Variants in TIMM9 observed in about 807,000 individuals in gnomAD.
TIMM9 encodes the protein translocase of inner mitochondrial membrane 9, also known as mitochondrial import inner membrane translocase subunit Tim9.
TIMM9 carries 10 observed loss-of-function variants against 13.4 expected under a neutral mutation model. That is an observed-to-expected ratio of 0.75 (90% CI 0.46 to 1.26). The LOEUF (loss-of-function observed/expected upper bound fraction) is 1.26, where lower values mean the gene tolerates loss of function less well. Among genes scored for constraint, TIMM9 ranks in the 50% most tolerant of loss-of-function variants. The probability of loss-of-function intolerance (pLI) is 0.00; values close to 1 mark genes in which losing one functional copy is unlikely to be tolerated. For missense variants in TIMM9, 87 were observed against 100.8 expected, an observed-to-expected ratio of 0.86 and a Z score of 0.58; for synonymous variants, 32 against 32.1, an observed-to-expected ratio of 1.00 and a Z score of 0.01.
At chr14:58,423,318 GA>G in intron 3 of TIMM9, among the ~76,000 whole-genome samples, 1 of 150,236 alleles carries the variant, frequency 6.7e-6, no homozygotes. Context: ...AGGAGTTTGA[GA>G]CCAGCCTGGC....
chr14:58,427,248 A>G lies in TIMM9; in HGVS notation c.-303-6T>C, dbSNP rs552408069. The G allele has an allele frequency of 4.7e-6, 1 of 212,490 alleles. No individual in the cohort carries two copies. The highest frequency in any genetic ancestry group is 2.3e-5 in the African/African-American group (1 of 43,018). 13.2% of individuals were successfully genotyped at this position (212,490 alleles called of 1,614,324 possible). A position where few individuals can be genotyped will look rare whatever the true frequency, so the allele number is the denominator to read the frequency against. On this transcript the variant is annotated splice_region_variant and splice_polypyrimidine_tract_variant and intron_variant, in intron 1 of 5. Coordinates refer to ENST00000395159, the MANE Select transcript of TIMM9 (RefSeq NM_012460.4). ...TCGTTATAACGCGAGGAAATCTAGA[A>G]GAAAAAGCAGGTACCATCAGCGAAT...
intron 3 of TIMM9, among the ~76,000 whole-genome samples, chr14:58,414,714 A>G (rs2036338997): frequency 7.3e-6 from 1 of 137,714 alleles, no homozygotes; most frequent in Non-Finnish European, 1.5e-5. Context: ...TCCAGCCTGC[A>G]CCGCATAGTG....
chr14:58,415,881 C>T (rs1375014362), intron 3 of TIMM9, among the ~76,000 whole-genome samples: 5 of 151,964 alleles, frequency 3.3e-5, no homozygotes, highest in Admixed American at 6.6e-5. Flanking sequence ...AGCATAAACC[C>T]GATGAAACCT....
rs948362760 is a variant in TIMM9 at position 58,409,920 on chromosome 14, A to C, written c.136-752T>G. Among the ~76,000 whole-genome samples, 8 of 152,214 alleles carry C rather than the reference A, an allele frequency of 5.3e-5. No individual in the cohort carries two copies. The East Asian group carries it at 1.5e-3, about 29-fold the overall frequency. ...GAGACAGGTTCTCTCTCTGTTGCCC[A>C]GGGTGGAGTGCAGTGCCTCACTGTG... On this transcript the variant is annotated intron_variant, in intron 5 of 5. Coordinates refer to ENST00000395159, the MANE Select transcript of TIMM9 (RefSeq NM_012460.4).
At chr14:58,414,668 C>T (rs754616434) in intron 3 of TIMM9, among the ~76,000 whole-genome samples, 7 of 139,384 alleles carry the variant, frequency 5.0e-5, no homozygotes, top group African/African-American at 1.9e-4. Flanking sequence ...ACCCCTTGGG[C>T]GGAGGTTGCA....
chr14:58,417,226 G>A (rs1243725379), intron 3 of TIMM9, among the ~76,000 whole-genome samples: 1 of 151,858 alleles, frequency 6.6e-6, no homozygotes, highest in Non-Finnish European at 1.5e-5. Context: ...TTTGTAAATT[G>A]CCCAGTCTAG....
intron 3 of TIMM9, among the ~76,000 whole-genome samples, chr14:58,413,778 C>A (rs545766099): frequency 6.6e-6 from 1 of 151,790 alleles, no homozygotes; most frequent in Non-Finnish European, 1.5e-5. Flanking sequence ...GAGGCTGAGG[C>A]GGGCAGATTA....
intron 3 of TIMM9, among the ~76,000 whole-genome samples, chr14:58,416,562 G>A (rs1470569094): frequency 6.6e-6 from 1 of 152,176 alleles, no homozygotes; most frequent in East Asian, 1.9e-4. Flanking sequence ...CGAAGAAAAT[G>A]ATAAAAGTAG....
intron 3 of TIMM9, among the ~76,000 whole-genome samples, chr14:58,423,514 C>CAAAAAA (rs398025245): frequency 3.0e-5 from 2 of 66,494 alleles, no homozygotes; most frequent in East Asian, 5.0e-4. Flanking sequence ...GACTTTGTCT[C>CAAAAAA]AAAAAAAAAA....
At chr14:58,410,673 GT>G (rs1458442449) in intron 5 of TIMM9, among the ~76,000 whole-genome samples, 169 bp downstream of exon 5, 2 of 152,228 alleles carry the variant, frequency 1.3e-5, no homozygotes, top group African/African-American at 4.8e-5. Context: ...ATTTGGCACT[GT>G]TAAACTCAAT....
chr14:58,418,373 T>C (rs983419120), intron 3 of TIMM9, among the ~76,000 whole-genome samples: 2 of 152,192 alleles, frequency 1.3e-5, no homozygotes, highest in African/African-American at 4.8e-5. Context: ...TGGCAAAAGA[T>C]AATACTTTCC....
chr14:58,419,453 A>ACACACT (rs2036520021), intron 3 of TIMM9, among the ~76,000 whole-genome samples: 1 of 12,436 alleles, frequency 8.0e-5, no homozygotes, highest in Non-Finnish European at 1.5e-4. Context: ...AGACCCCGTC[A>ACACACT]CACACACACA....
At chr14:58,416,798 C>T (rs2036424429) in intron 3 of TIMM9, among the ~76,000 whole-genome samples, 1 of 152,114 alleles carries the variant, frequency 6.6e-6, no homozygotes, top group Admixed American at 6.6e-5. Flanking sequence ...AGTTTTAGTA[C>T]TAAATGCATA....
intron 3 of TIMM9, among the ~76,000 whole-genome samples, chr14:58,416,061 A>G (rs1417940492): frequency 6.6e-6 from 1 of 151,308 alleles, no homozygotes; most frequent in African/African-American, 2.4e-5. Flanking sequence ...ACTGAAAAAA[A>G]AAAAAAAAAT....
Position 58,409,124 on chromosome 14 carries a change from T to C in TIMM9, c.180A>G (p.Thr60=). The part of the protein sequence containing the change: ...EHCLQKYLKM[T]QRISMRFQEY... ...CCTGAAATCTCATGGATATTCTTTG[T>C]GTCATTTTTAAATATTTCTGTAAGC... is the stretch of plus-strand genomic sequence containing the variant. Residue 60 remains threonine, a synonymous_variant, in exon 6 of 6, where the codon ACA becomes ACG. Transcript: ENST00000395159. 1 of 1,613,908 alleles carries C rather than the reference T, an allele frequency of 6.2e-7. No homozygotes were observed. The highest frequency in any genetic ancestry group is 1.7e-4 in the Middle Eastern group (1 of 6,060).
chr14:58,422,368 G>C (rs369438375), intron 3 of TIMM9, among the ~76,000 whole-genome samples: 1 of 151,756 alleles, frequency 6.6e-6, no homozygotes. Flanking sequence ...CTCCTGCCTC[G>C]GCCTCCCAAA....
At chr14:58,413,843 T>A (rs1310737077) in intron 3 of TIMM9, among the ~76,000 whole-genome samples, 1 of 150,422 alleles carries the variant, frequency 6.6e-6, no homozygotes, top group Non-Finnish European at 1.5e-5. Flanking sequence ...CCGTCTTTAC[T>A]AAAAATACAA....
At chr14:58,422,053 G>A (rs1403907501) in intron 3 of TIMM9, among the ~76,000 whole-genome samples, 4 of 145,930 alleles carry the variant, frequency 2.7e-5, no homozygotes, top group African/African-American at 1.0e-4. Context: ...GTATTTCTTT[G>A]GGTTAAAATT....
chr14:58,419,114 A>AT (rs912507073), intron 3 of TIMM9, among the ~76,000 whole-genome samples: 26 of 152,260 alleles, frequency 1.7e-4, no homozygotes, highest in African/African-American at 6.0e-4. Flanking sequence ...GGACAGACAA[A>AT]TAGTCAGTGG....
Sources: allele counts gnomAD v4.1 joint callset (sites outside exome capture counted in the v4.1 genomes callset), GRCh38; gene constraint gnomAD v4.1.1; transcripts MANE v1.5; gene names NCBI Gene and HGNC (gene_info 2026-07-23, HGNC 2026-07-21).